The following COL4A2 variants were observed in gnomAD, a reference collection of about 807,000 sequenced individuals.
COL4A2 encodes the protein collagen alpha-2(IV) chain.
Under a neutral mutation model 200.2 loss-of-function variants are expected in COL4A2, and 99 were observed. The observed-to-expected ratio is 0.49, with a 90% confidence interval of 0.42 to 0.58. The LOEUF (loss-of-function observed/expected upper bound fraction) is 0.58. Ranked by LOEUF, COL4A2 falls within the 20% of genes least tolerant of loss-of-function variation. The probability of loss-of-function intolerance (pLI) is 0.00; values close to 1 mark genes in which losing one functional copy is unlikely to be tolerated. For synonymous variants in COL4A2, 897 were observed against 900.6 expected (o/e 1.00, Z 0.07); for missense variants, 1,950 against 2,314.1 (o/e 0.84, Z 3.23).
chr13:110,509,264 TATATATAC>T (rs917799590), intron 47 of COL4A2, among the ~76,000 whole-genome samples: 29 of 119,100 alleles, frequency 2.4e-4, no homozygotes, highest in Admixed American at 6.0e-4. Context: ...TATATATATA[TATATATAC>T]ACACACACAC....
In COL4A2 at chr13:110,356,045, G is replaced by A. The variant is rs992155744; in HGVS notation, c.100-1427G>A. ...ACTCTGATTGCCATCATCTCAAAAC[G>A]TTTAATACTGTCACGATTTGAAAGG... On this transcript the variant is annotated intron_variant, in intron 3 of 47. Transcript: ENST00000360467. Among the ~76,000 whole-genome samples the A allele has an allele frequency of 7.2e-5, 11 of 152,202 alleles. No homozygotes were observed. In the East Asian group the frequency reaches 7.8e-4, roughly 11 times the overall value.
At position 110,307,705 on chromosome 13, in the gene COL4A2, CCTT is replaced by C. The variant is rs1884822544; in HGVS notation, c.-44-151_-44-149del. ...CCACAGGGGCCTAACGGGAGGCTCT[CCTT>C]CTTTCCGGGTCGTGGGGGGGACGGC... On this transcript the variant is annotated intron_variant, in intron 1 of 47. Coordinates refer to ENST00000360467, the MANE Select transcript of COL4A2 (RefSeq NM_001846.4). This position sits in a 1 kb window ranked among gnomAD's most constrained non-coding sequence, Gnocchi z 5.0. Among the ~76,000 whole-genome samples, 1 of 152,146 alleles carries C rather than the reference CCTT, an allele frequency of 6.6e-6. No individual in the cohort carries two copies. Among genetic ancestry groups the C allele is most frequent in the South Asian group, 2.1e-4 (1 of 4,828 alleles).
chr13:110,387,081 T>C (rs1878783449), intron 4 of COL4A2, among the ~76,000 whole-genome samples: 1 of 151,976 alleles, frequency 6.6e-6, no homozygotes, highest in Non-Finnish European at 1.5e-5. Context: ...CTACTAAAAA[T>C]ACAAAAAGTT....
In COL4A2 at chr13:110,508,072, G is replaced by A. The variant is rs376052562; in HGVS notation, c.4732G>A (p.Val1578Met). ...CACTGCGCCGCTGCCCATGATGCCC[G>A]TGGCCGAGGACGAGATCAAGCCCTA... ...STTAPLPMMP[V>M]AEDEIKPYIS... The change falls in exon 47 of 48, where the codon GTG becomes ATG. Residue 1578 changes from valine (V) to methionine (M), a missense_variant. Physicochemically the swap from Val to Met is conservative, Grantham distance 21. Around this residue, in one of 2 missense-constraint regions of COL4A2, gnomAD observed 1,385 missense variants for 1,720.5 expected, o/e 0.80. Transcript: ENST00000360467. This position sits in a 1 kb window ranked among gnomAD's most constrained non-coding sequence, Gnocchi z 6.1. The A allele has an allele frequency of 2.7e-5, 43 of 1,614,134 alleles. No homozygotes were observed. The highest frequency in any genetic ancestry group is 2.2e-4 in the East Asian group (10 of 44,894).
chr13:110,489,329 A>T, intron 34 of COL4A2, 116 bp from the exon 35 acceptor site: 1 of 1,018,962 alleles, frequency 9.8e-7, no homozygotes. Context: ...AAATGACAAG[A>T]TCACAAACCT....
At chr13:110,493,079 ATGGGTGAAATAACGATGAGTGACACCCCC>A in intron 38 of COL4A2, 103 bp from the exon 39 acceptor site, 12 of 860,490 alleles carry the variant, frequency 1.4e-5, no homozygotes, top group South Asian at 2.8e-5. Flanking sequence ...TGACACCCCC[ATGGGTGAAATAACGATGAGTGACACCCCC>A]ATGGGTGAAA....
chr13:110,323,046 A>T (rs1885316311), intron 3 of COL4A2, among the ~76,000 whole-genome samples: 1 of 152,222 alleles, frequency 6.6e-6, no homozygotes, highest in African/African-American at 2.4e-5. Context: ...CAGCTGTTAC[A>T]ACCAACCCAG....
intron 6 of COL4A2, among the ~76,000 whole-genome samples, chr13:110,427,684 T>A (rs1171340801): frequency 1.3e-5 from 2 of 152,224 alleles, no homozygotes; most frequent in Non-Finnish European, 2.9e-5. Context: ...ACCCAGCCCC[T>A]GTGTGTCTCC....
rs148261708 is a variant in COL4A2, at chr13:110,415,971, C to T, written c.181-8763C>T. Among the ~76,000 whole-genome samples, 65 of 152,388 alleles carry T rather than the reference C, an allele frequency of 4.3e-4. No individual in the cohort carries two copies. In the East Asian group the frequency reaches 0.01, roughly 24 times the overall value. On this transcript the variant is annotated intron_variant, in intron 4 of 47. Coordinates refer to ENST00000360467, the MANE Select transcript of COL4A2 (RefSeq NM_001846.4). ...TAAGAATACCAGGAAAATATTGGCA[C>T]GTGCCATTGGCACATGAAAATTAGT...
Position 110,473,117 on chromosome 13 carries a change from C to A in COL4A2, c.2392C>A (p.Leu798Ile). ...GCCTGGACAGCCTGGGCTTAAAGGC[C>A]TTCCCGGAGACAGAGGCCCCCCTGG... is the stretch of plus-strand genomic sequence containing the variant. ...GVPGQPGLKGLPGDRGPPGFR... is the reference protein window; with the variant it reads ...GVPGQPGLKGIPGDRGPPGFR... The change falls in exon 29 of 48, where the codon CTT becomes ATT. Residue 798 changes from leucine to isoleucine, a missense_variant. Physicochemically the swap from Leu to Ile is conservative, Grantham distance 5 (BLOSUM62 2). This residue lies in a region of COL4A2 where 1,385 missense variants were observed against 1,720.5 expected (regional missense o/e 0.80). Transcript: ENST00000360467. The A allele has an allele frequency of 6.4e-7, 1 of 1,562,260 alleles. No homozygotes were observed. The highest frequency in any genetic ancestry group is 8.7e-7 in the Non-Finnish European group (1 of 1,153,630).
chr13:110,466,839 C>T lies in COL4A2; in HGVS notation c.2039-201C>T, dbSNP rs41275114. ...AGACTGGCTTAGTTTGCATTTTATACGAATATTTTGATTTCATTACACAAT... is the reference window on the plus strand; with the variant it reads ...AGACTGGCTTAGTTTGCATTTTATATGAATATTTTGATTTCATTACACAAT... On this transcript the variant is annotated intron_variant, in intron 26 of 47. Coordinates refer to ENST00000360467, the MANE Select transcript of COL4A2 (RefSeq NM_001846.4). Among the ~76,000 whole-genome samples, 2,156 of 152,214 alleles carry T rather than the reference C, an allele frequency of 0.014. 22 individuals carry two copies. The highest frequency in any genetic ancestry group is 0.029 in the Admixed American group (438 of 15,292).
chr13:110,409,311 G>C (rs1312550155), intron 4 of COL4A2, among the ~76,000 whole-genome samples: 1 of 152,180 alleles, frequency 6.6e-6, no homozygotes, highest in African/African-American at 2.4e-5. Context: ...GGCTGTGACG[G>C]GTAAATCGCA....
chr13:110,446,911 C>G (rs373292770), intron 18 of COL4A2, 47 bp downstream of exon 18: 2 of 1,513,884 alleles, frequency 1.3e-6, no homozygotes, highest in Non-Finnish European at 1.8e-6. Flanking sequence ...CATACACATT[C>G]TCTCCTGTTA....
rs569660754 is a variant in COL4A2 at position 110,356,520 on chromosome 13, C to T, written c.100-952C>T. Among the ~76,000 whole-genome samples the T allele has an allele frequency of 5.9e-5, 9 of 152,330 alleles. No individual in the cohort carries two copies. The South Asian group carries it at 1.7e-3, about 28-fold the overall frequency. On this transcript the variant is annotated intron_variant, in intron 3 of 47. Coordinates refer to ENST00000360467, the MANE Select transcript of COL4A2 (RefSeq NM_001846.4). Reference sequence around the variant, plus strand: ...GAGGGAGCCACCGTTTGCACCGACACCTCCTCCTCCCCTCCGTGGTGGCCC... The same window carrying T: ...GAGGGAGCCACCGTTTGCACCGACATCTCCTCCTCCCCTCCGTGGTGGCCC...
At chr13:110,505,508 G>A (rs1371128991) in intron 45 of COL4A2, among the ~76,000 whole-genome samples, 1 of 152,142 alleles carries the variant, frequency 6.6e-6, no homozygotes, top group Non-Finnish European at 1.5e-5. Context: ...GCCCGCCCAG[G>A]GTAGGAGACA....
At chr13:110,353,010 C>A (rs1183747713) in intron 3 of COL4A2, among the ~76,000 whole-genome samples, 2 of 152,092 alleles carry the variant, frequency 1.3e-5, no homozygotes, top group African/African-American at 4.8e-5. Flanking sequence ...CTGCAGGGGG[C>A]GTCAGTGAGA....
intron 4 of COL4A2, among the ~76,000 whole-genome samples, chr13:110,385,620 A>AGACCGTGGTTG (rs1878685606): frequency 1.6e-3 from 1 of 634 alleles, no homozygotes; most frequent in African/African-American, 3.1e-3. Flanking sequence ...GGCCGTGGCT[A>AGACCGTGGTTG]CAGTGTGTGG....
chr13:110,384,684 C>T (rs1878615493), intron 4 of COL4A2, among the ~76,000 whole-genome samples: 2 of 152,208 alleles, frequency 1.3e-5, no homozygotes, highest in South Asian at 4.1e-4. Context: ...GGACGCTGGT[C>T]CCAAACACCT....
intron 4 of COL4A2, among the ~76,000 whole-genome samples, chr13:110,379,341 G>C (rs553544274): frequency 9.2e-5 from 14 of 152,256 alleles, no homozygotes; most frequent in Admixed American, 2.6e-4. Context: ...TAAGAGGCGA[G>C]TACGCGTGCA....
Sources: allele counts gnomAD v4.1 joint callset (sites outside exome capture counted in the v4.1 genomes callset), GRCh38; gene constraint gnomAD v4.1.1; regional missense constraint gnomAD v4.1.1; non-coding constraint Gnocchi (gnomAD v3.1); transcripts MANE v1.5; gene names NCBI Gene and HGNC (gene_info 2026-07-23, HGNC 2026-07-21).